Variants in AP3D1 observed in about 807,000 individuals in gnomAD.
The protein encoded by AP3D1 is adaptor related protein complex 3 subunit delta 1.
A neutral mutation model predicts 147.6 loss-of-function variants in AP3D1; 51 were observed. That is an observed-to-expected ratio of 0.35 (90% CI 0.28 to 0.44). AP3D1 has a LOEUF of 0.44. Among genes scored for constraint, AP3D1 ranks in the 20% least tolerant of loss-of-function variants. The probability of loss-of-function intolerance (pLI) is 1.00; values close to 1 mark genes in which losing one functional copy is unlikely to be tolerated. For missense variants in AP3D1, 1,421 were observed against 1,624.2 expected, an observed-to-expected ratio of 0.87 and a Z score of 2.15; for synonymous variants, 760 against 663.0, an observed-to-expected ratio of 1.15 and a Z score of -2.25.
At chr19:2,125,736 G>A (rs1478651604) in intron 9 of AP3D1, among the ~76,000 whole-genome samples, 1 of 152,050 alleles carries the variant, frequency 6.6e-6, no homozygotes, top group Non-Finnish European at 1.5e-5. Flanking sequence ...GGCGCGGTGT[G>A]TAGATGTGTT....
At chr19:2,117,641 C>T (rs1280990174) in intron 15 of AP3D1, among the ~76,000 whole-genome samples, 1 of 152,252 alleles carries the variant, frequency 6.6e-6, no homozygotes, top group Non-Finnish European at 1.5e-5. Context: ...GTCAGTGCCC[C>T]GACACCAGAA....
chr19:2,148,198 T>C (rs941488425), intron 1 of AP3D1, among the ~76,000 whole-genome samples: 4 of 150,506 alleles, frequency 2.7e-5, no homozygotes, highest in Non-Finnish European at 5.9e-5. Context: ...TTCCCAAAAC[T>C]ATGAAAAGGA....
At chr19:2,161,671 G>A (rs1321299321) in intron 1 of AP3D1, among the ~76,000 whole-genome samples, 3 of 152,032 alleles carry the variant, frequency 2.0e-5, no homozygotes, top group Non-Finnish European at 4.4e-5. Context: ...GAGTGTGGCT[G>A]GGCATGATGG....
chr19:2,130,193 G>A (rs2018898786), intron 6 of AP3D1, among the ~76,000 whole-genome samples: 1 of 152,250 alleles, frequency 6.6e-6, no homozygotes, highest in African/African-American at 2.4e-5. Context: ...CAGACTCACC[G>A]CCAGCTGCCA....
At chr19:2,142,527 G>C (rs1334885972) in intron 1 of AP3D1, among the ~76,000 whole-genome samples, 1 of 152,198 alleles carries the variant, frequency 6.6e-6, no homozygotes, top group South Asian at 2.1e-4. Flanking sequence ...TGAGACCAGG[G>C]AGGCCACATG....
upstream of AP3D1, among the ~76,000 whole-genome samples, chr19:2,155,926 G>A (rs182343365): frequency 5.9e-5 from 9 of 151,342 alleles, no homozygotes; most frequent in Non-Finnish European, 8.9e-5. Context: ...GGTGGCGGGC[G>A]CCTGTAGTCC....
At chr19:2,107,858 C>A (rs761109859) in intron 31 of AP3D1, among the ~76,000 whole-genome samples, 1 of 152,138 alleles carries the variant, frequency 6.6e-6, no homozygotes, top group African/African-American at 2.4e-5. Context: ...CAAGGAGCAG[C>A]GCGAATACGG....
At chr19:2,112,535 G>C in intron 24 of AP3D1, 1 of 254,968 alleles carries the variant, frequency 3.9e-6, no homozygotes, top group Non-Finnish European at 7.5e-6. Flanking sequence ...CGGCTGGTGG[G>C]AATGGAGCTT....
upstream of AP3D1, among the ~76,000 whole-genome samples, chr19:2,152,876 C>CA (rs1164542337): frequency 6.0e-5 from 9 of 150,722 alleles, no homozygotes; most frequent in Admixed American, 5.3e-4. Flanking sequence ...ACTCTTGTCT[C>CA]AAAAAAACAA....
chr19:2,143,302 G>A lies in AP3D1; in HGVS notation c.97-4588C>T, dbSNP rs529973793. Among the ~76,000 whole-genome samples, 13 of 135,544 alleles carry A rather than the reference G, an allele frequency of 9.6e-5. No homozygotes were observed. The Admixed American group carries it at 9.8e-4, about 10-fold the overall frequency. 88.9% of individuals were successfully genotyped at this position (135,544 alleles called of 152,430 possible). On this transcript the variant is annotated intron_variant, in intron 1 of 31. Coordinates refer to ENST00000643116, the MANE Select transcript of AP3D1 (RefSeq NM_001261826.3). ...GTCGCCCAGGCTGGAGTGCAGCAGC[G>A]CGATCTCAGCTCACTGCAAGCTCCA...
At chr19:2,104,130 A>T (rs73512334) in intron 31 of AP3D1, among the ~76,000 whole-genome samples, 1 of 150,282 alleles carries the variant, frequency 6.7e-6, no homozygotes, top group South Asian at 2.1e-4. Flanking sequence ...GCCAACACTC[A>T]GACCCCAACG....
intron 1 of AP3D1, among the ~76,000 whole-genome samples, chr19:2,158,754 G>T (rs1320491434): frequency 1.3e-5 from 2 of 151,892 alleles, no homozygotes; most frequent in Non-Finnish European, 1.5e-5. Flanking sequence ...CACCCAGCAT[G>T]AACCATAATT....
At chr19:2,164,514 C>G (rs913388861), upstream of AP3D1, 3 of 302,428 alleles carry the variant, frequency 9.9e-6, no homozygotes, top group South Asian at 4.9e-4. Context: ...ACCGCGGTGC[C>G]GTTGCCCCCG....
intron 15 of AP3D1, 73 bp from the exon 16 acceptor site, chr19:2,117,440 G>A (rs1177823167): frequency 3.4e-6 from 5 of 1,466,182 alleles, no homozygotes; most frequent in Non-Finnish European, 4.5e-6. Flanking sequence ...GACACGGGGT[G>A]GCTCAGCCCC....
upstream of AP3D1, among the ~76,000 whole-genome samples, chr19:2,154,653 A>G (rs1034989280): frequency 2.6e-5 from 4 of 152,092 alleles, no homozygotes; most frequent in African/African-American, 9.7e-5. Context: ...GTCCCTTTTC[A>G]CTGCCCAAGG....
chr19:2,162,423 G>A lies in AP3D1; in HGVS notation c.-103+1933C>T, dbSNP rs1166125956. 2.0e-5 allele frequency among the ~76,000 whole-genome samples: 3 copies of A among 150,676 alleles called. No homozygotes were observed. In the East Asian group the frequency reaches 6.1e-4, roughly 31 times the overall value. On this transcript the variant is annotated intron_variant, in intron 1 of 14. Coordinates refer to the AP3D1 transcript ENST00000643010. Reference sequence around the variant, plus strand: ...CGAATTTCGAATTTCGGGAGGCTGAGGAGGGCGGATCACTTGAGTTTGAGA... The same window carrying A: ...CGAATTTCGAATTTCGGGAGGCTGAAGAGGGCGGATCACTTGAGTTTGAGA...
intron 5 of AP3D1, 99 bp from the exon 6 acceptor site, chr19:2,130,636 A>G (rs2018913862): frequency 2.6e-6 from 4 of 1,546,546 alleles, no homozygotes; most frequent in Non-Finnish European, 2.6e-6. Flanking sequence ...GATGCCCTCC[A>G]GCCCGACGCT....
chr19:2,125,333 G>A (rs2018724431), intron 9 of AP3D1, among the ~76,000 whole-genome samples: 1 of 151,924 alleles, frequency 6.6e-6, no homozygotes, highest in Non-Finnish European at 1.5e-5. Flanking sequence ...TTCGTTTTTT[G>A]AGAAGAAGTT....
Position 2,121,887 on chromosome 19 carries a change from G to T in AP3D1, c.956-8C>A. On this transcript the variant is annotated splice_polypyrimidine_tract_variant and splice_region_variant and intron_variant, in intron 11 of 31. Transcript: ENST00000643116. ...GCAGCCCCAGGTACTTCACTGCAGA[G>T]AGAGGCCAGAGCCGGGTCACTGGGA... is the stretch of plus-strand genomic sequence containing the variant. The T allele has an allele frequency of 6.3e-7, 1 of 1,599,602 alleles. No homozygotes were observed. Among genetic ancestry groups the T allele is most frequent in the Non-Finnish European group, 8.5e-7 (1 of 1,174,694 alleles).
Sources: gnomAD v4.1 joint callset for allele counts (sites outside exome capture counted in the v4.1 genomes callset) on GRCh38, gnomAD v4.1.1 for gene constraint, MANE v1.5 for transcripts, NCBI Gene and HGNC (gene_info 2026-07-23, HGNC 2026-07-21) for gene names.